Variants in BCAT1 observed in about 807,000 individuals in gnomAD.
The protein encoded by BCAT1 is branched chain amino acid transaminase 1, also known as branched-chain-amino-acid aminotransferase, cytosolic.
In BCAT1, 48 loss-of-function variants were observed where a neutral mutation model predicts 52.4. That is an observed-to-expected ratio of 0.92 (90% CI 0.73 to 1.16). The LOEUF (loss-of-function observed/expected upper bound fraction) is 1.16, where lower values mean the gene tolerates loss of function less well. Ranked by LOEUF, BCAT1 falls within the 50% of genes most tolerant of loss-of-function variation. The probability of loss-of-function intolerance (pLI) is 0.00; values close to 1 mark genes in which losing one functional copy is unlikely to be tolerated. For missense variants in BCAT1, 451 were observed against 457.1 expected (o/e 0.99, Z 0.12); for synonymous variants, 167 against 161.3 (o/e 1.04, Z -0.27).
rs1052431414 is a variant in BCAT1 at position 24,814,982 on chromosome 12, T to C, written c.*3026A>G. On this transcript the variant is annotated 3_prime_UTR_variant, in exon 11 of 11. Coordinates refer to ENST00000261192, the MANE Select transcript of BCAT1 (RefSeq NM_005504.7). ...AAAACAAAGGCTAAAGCAGGTGTTA[T>C]AAATTTATTCATTCCTGTGCTAGAG... The C allele has an allele frequency of 3.3e-5, 5 of 152,164 alleles. No homozygotes were observed. The highest frequency in any genetic ancestry group is 4.8e-5 in the African/African-American group (2 of 41,442). 9.4% of individuals were successfully genotyped at this position (152,164 alleles called of 1,614,324 possible).
chr12:24,901,076 A>G (rs1943090620), intron 2 of BCAT1, among the ~76,000 whole-genome samples: 1 of 152,240 alleles, frequency 6.6e-6, no homozygotes, highest in African/African-American at 2.4e-5. Context: ...TGGATGTCCA[A>G]TGCATGGCAC....
rs111658289 is a variant in BCAT1 at position 24,816,696 on chromosome 12, T to C, written c.*1312A>G. ...TCATGACCTCTCTCTAGAGCAGTGG[T>C]CCCCAACATTTTTGGCACCAGGGAC... is the stretch of plus-strand genomic sequence containing the variant. On this transcript the variant is annotated 3_prime_UTR_variant, in exon 11 of 11. Coordinates refer to ENST00000261192, the MANE Select transcript of BCAT1 (RefSeq NM_005504.7). The C allele has an allele frequency of 4.8e-4, 190 of 396,170 alleles. 1 individual carries two copies. The highest frequency in any genetic ancestry group is 3.1e-3 in the African/African-American group (152 of 48,584). The allele number at this position is 396,170 out of a possible 1,614,324, so 24.5% of individuals were successfully genotyped here.
chr12:24,838,851 A>G (rs1047188852), intron 7 of BCAT1, among the ~76,000 whole-genome samples: 22 of 152,352 alleles, frequency 1.4e-4, no homozygotes, highest in African/African-American at 5.3e-4. Context: ...CTTGTTTTTG[A>G]CAAAGAAGTC....
intron 9 of BCAT1, among the ~76,000 whole-genome samples, chr12:24,832,499 G>C (rs1045884447): frequency 6.6e-6 from 1 of 152,144 alleles, no homozygotes; most frequent in Non-Finnish European, 1.5e-5. Flanking sequence ...GAGCCCAGGA[G>C]TTTGAGGCTG....
chr12:24,918,588 T>C (rs1309275849), intron 1 of BCAT1, among the ~76,000 whole-genome samples: 1 of 152,226 alleles, frequency 6.6e-6, no homozygotes, highest in Admixed American at 6.5e-5. Flanking sequence ...TAATGTATTA[T>C]AGTATTATGT....
intron 6 of BCAT1, among the ~76,000 whole-genome samples, chr12:24,845,207 G>T (rs1941307347): frequency 6.8e-6 from 1 of 146,578 alleles, no homozygotes; most frequent in South Asian, 2.2e-4. Flanking sequence ...GAGCGAGACT[G>T]TCCCCTCCCA....
chr12:24,925,871 C>A (rs543339772), intron 1 of BCAT1, among the ~76,000 whole-genome samples: 1 of 152,006 alleles, frequency 6.6e-6, no homozygotes, highest in African/African-American at 2.4e-5. Context: ...GGATTGCAGA[C>A]GGAGTCTCGT....
rs962852766 is a variant in BCAT1 at position 24,811,407 on chromosome 12, C to G, written c.*6601G>C. ...TGATAACAGAAACTGTGCATAATTACAGATTTGATGAGGAATCTGCAAATA... is the reference window on the plus strand; with the variant it reads ...TGATAACAGAAACTGTGCATAATTAGAGATTTGATGAGGAATCTGCAAATA... On this transcript the variant is annotated 3_prime_UTR_variant, in exon 11 of 11. Coordinates refer to ENST00000261192, the MANE Select transcript of BCAT1 (RefSeq NM_005504.7). 1.3e-5 allele frequency: 2 copies of G among 152,156 alleles called. No homozygotes were observed. Among genetic ancestry groups the G allele is most frequent in the Admixed American group, 6.5e-5 (1 of 15,274 alleles). The allele number at this position is 152,156 out of a possible 1,614,324, so 9.4% of individuals were successfully genotyped here. A position where few individuals can be genotyped will look rare whatever the true frequency, so the allele number is the denominator to read the frequency against.
At chr12:24,841,613 C>T (rs992372289) in intron 7 of BCAT1, among the ~76,000 whole-genome samples, 4 of 152,072 alleles carry the variant, frequency 2.6e-5, no homozygotes, top group African/African-American at 7.2e-5. Context: ...TTCTTTAAAT[C>T]GAAACTCGGC....
intron 5 of BCAT1, among the ~76,000 whole-genome samples, chr12:24,860,306 TA>T (rs1474408229): frequency 6.6e-6 from 1 of 152,230 alleles, no homozygotes; most frequent in Non-Finnish European, 1.5e-5. Context: ...CAGCATGGAC[TA>T]AACTAATAAA....
intron 4 of BCAT1, among the ~76,000 whole-genome samples, chr12:24,879,792 C>A (rs1244350434): frequency 6.6e-6 from 1 of 152,240 alleles, no homozygotes; most frequent in Non-Finnish European, 1.5e-5. Context: ...GTTTTCTTCT[C>A]TGTACAAAGG....
chr12:24,814,734 A>G lies in BCAT1; in HGVS notation c.*3274T>C, dbSNP rs182602217. 9 of 150,226 alleles carry G rather than the reference A, an allele frequency of 6.0e-5. No individual in the cohort carries two copies. Among genetic ancestry groups the G allele is most frequent in the Middle Eastern group, 3.5e-3 (1 of 282 alleles). 9.3% of individuals were successfully genotyped at this position (150,226 alleles called of 1,614,324 possible). A position where few individuals can be genotyped will look rare whatever the true frequency, so the allele number is the denominator to read the frequency against. On this transcript the variant is annotated 3_prime_UTR_variant, in exon 11 of 11. Coordinates refer to ENST00000261192, the MANE Select transcript of BCAT1 (RefSeq NM_005504.7). ...TTCCCATGTCTTCAAGAGAGCTGAC[A>G]TTGCATGTTACCATCTAGCTGATGT...
rs1326821893 is a variant in BCAT1, at chr12:24,812,750, A to G, written c.*5258T>C. ...TATTCTTCCTCTGATATCATCTTTC[A>G]TTAAATTTTTCTCCAGAATCCAATA... On this transcript the variant is annotated 3_prime_UTR_variant, in exon 11 of 11. Coordinates refer to ENST00000261192, the MANE Select transcript of BCAT1 (RefSeq NM_005504.7). The G allele has an allele frequency of 6.6e-6, 1 of 151,902 alleles. No homozygotes were observed. Among genetic ancestry groups the G allele is most frequent in the Non-Finnish European group, 1.5e-5 (1 of 67,852 alleles). The allele number at this position is 151,902 out of a possible 1,614,324, so 9.4% of individuals were successfully genotyped here. A position where few individuals can be genotyped will look rare whatever the true frequency, so the allele number is the denominator to read the frequency against.
At chr12:24,823,620 G>T (rs1011089151) in intron 10 of BCAT1, among the ~76,000 whole-genome samples, 3 of 152,232 alleles carry the variant, frequency 2.0e-5, no homozygotes, top group South Asian at 4.2e-4. Context: ...CCTCCCCCTT[G>T]CTGTTCTCAT....
intron 3 of BCAT1, among the ~76,000 whole-genome samples, chr12:24,893,075 G>T (rs1942883921): frequency 6.6e-6 from 1 of 152,130 alleles, no homozygotes; most frequent in South Asian, 2.1e-4. Flanking sequence ...GGAGTTAATT[G>T]CAAAAGCATC....
chr12:24,819,812 C>T (rs7310300), intron 10 of BCAT1, among the ~76,000 whole-genome samples: 111,590 of 152,118 alleles, frequency 0.73, 41,035 homozygotes, highest in East Asian at 0.87. Context: ...CTGTAAGTTT[C>T]TTGCATAATC....
At chr12:24,916,662 T>C (rs1321316806) in intron 1 of BCAT1, among the ~76,000 whole-genome samples, 2 of 152,210 alleles carry the variant, frequency 1.3e-5, no homozygotes, top group African/African-American at 2.4e-5. Context: ...TGCCTCAGCC[T>C]CCCGAGTAGC....
At chr12:24,937,560 G>T (rs2083108005) in intron 1 of BCAT1, among the ~76,000 whole-genome samples, 1 of 152,164 alleles carries the variant, frequency 6.6e-6, no homozygotes. Flanking sequence ...CTGTAGCCCA[G>T]GCTGGAGTGC....
intron 5 of BCAT1, among the ~76,000 whole-genome samples, chr12:24,860,652 T>A (rs73079568): frequency 0.14 from 21,749 of 152,236 alleles, 1,581 homozygotes; most frequent in East Asian, 0.17. Context: ...TATAAACAGA[T>A]TGCTTTAAGG....
Sources: allele counts gnomAD v4.1 joint callset (sites outside exome capture counted in the v4.1 genomes callset), GRCh38; gene constraint gnomAD v4.1.1; transcripts MANE v1.5; gene names NCBI Gene and HGNC (gene_info 2026-07-23, HGNC 2026-07-21).